PRUNE2: variants seen among roughly 807,000 people sequenced by gnomAD.
PRUNE2 encodes protein prune homolog 2.
PRUNE2 carries 164 observed loss-of-function variants against 252.0 expected under a neutral mutation model. The ratio of observed to expected loss-of-function variants is 0.65; its 90% confidence interval spans 0.57 to 0.74. The LOEUF (loss-of-function observed/expected upper bound fraction) is 0.74. Among genes scored for constraint, PRUNE2 ranks in the 30% least tolerant of loss-of-function variants. The pLI is 0.00. For synonymous variants in PRUNE2, 1,292 were observed against 1,350.2 expected, an observed-to-expected ratio of 0.96 and a Z score of 0.94; for missense variants, 3,495 against 3,711.0, an observed-to-expected ratio of 0.94 and a Z score of 1.51.
chr9:76,719,135 C>A (rs1252574217), intron 6 of PRUNE2, among the ~76,000 whole-genome samples: 1 of 152,064 alleles, frequency 6.6e-6, no homozygotes, highest in Non-Finnish European at 1.5e-5. Context: ...TTTTTTCCAC[C>A]CCTTCCCCAA....
intron 17 of PRUNE2, among the ~76,000 whole-genome samples, chr9:76,620,300 C>T (rs916474355): frequency 3.3e-5 from 5 of 151,884 alleles, no homozygotes; most frequent in Non-Finnish European, 7.4e-5. Flanking sequence ...CCACCATGCC[C>T]GGCTAATTTT....
At chr9:76,669,602 G>A (rs2133878285) in intron 9 of PRUNE2, among the ~76,000 whole-genome samples, 1 of 152,342 alleles carries the variant, frequency 6.6e-6, no homozygotes, top group East Asian at 1.9e-4. Flanking sequence ...TTACAGGCAT[G>A]AGCCGCCATG....
intron 4 of PRUNE2, among the ~76,000 whole-genome samples, chr9:76,833,524 G>A (rs1003041168): frequency 1.3e-5 from 2 of 152,140 alleles, no homozygotes; most frequent in African/African-American, 2.4e-5. Context: ...CCCGCACTTT[G>A]GGAGGCTGAG....
At chr9:76,646,401 G>A (rs148786820) in intron 11 of PRUNE2, among the ~76,000 whole-genome samples, 29 of 152,268 alleles carry the variant, frequency 1.9e-4, no homozygotes, top group Admixed American at 4.6e-4. Flanking sequence ...AATGAAGTTC[G>A]GTTGGGAAGC....
At chr9:76,838,955 G>C (rs752671747) in intron 4 of PRUNE2, among the ~76,000 whole-genome samples, 3 of 152,016 alleles carry the variant, frequency 2.0e-5, no homozygotes, top group Admixed American at 1.3e-4. Flanking sequence ...CCACAAGAGG[G>C]CTAAAATACA....
At chr9:76,862,786 T>G (rs2060625820) in intron 1 of PRUNE2, 2 of 152,240 alleles carry the variant, frequency 1.3e-5, no homozygotes, top group Admixed American at 6.5e-5. Flanking sequence ...TGTACTTCTA[T>G]GAGTGTTCTC....
chr9:76,879,047 G>C (rs1003347449), intron 1 of PRUNE2, among the ~76,000 whole-genome samples: 2 of 152,134 alleles, frequency 1.3e-5, no homozygotes, highest in Non-Finnish European at 2.9e-5. Context: ...GAGTCAGGAA[G>C]CCTGTGCATA....
chr9:76,629,206 T>C lies in PRUNE2; in HGVS notation c.9135A>G (p.Pro3045=). The C allele has an allele frequency of 6.3e-7, 1 of 1,599,428 alleles. No individual in the cohort carries two copies. The highest frequency in any genetic ancestry group is 1.1e-5 in the South Asian group (1 of 89,964). ...TCAGGACTTACTTGATGATGCTCTCTGGAATGTGGATGCAATCCATTGGGA... is the reference window on the plus strand; with the variant it reads ...TCAGGACTTACTTGATGATGCTCTCCGGAATGTGGATGCAATCCATTGGGA... ...GLIPMDCIHI[P]ESIIKLDEEL... The change falls in exon 16 of 19, where the codon CCA becomes CCG. Residue 3045 remains proline, a synonymous_variant. Transcript: ENST00000376718.
At chr9:76,773,126 G>T (rs2053297809) in intron 6 of PRUNE2, among the ~76,000 whole-genome samples, 1 of 152,144 alleles carries the variant, frequency 6.6e-6, no homozygotes, top group Non-Finnish European at 1.5e-5. Context: ...ATTACTTTAA[G>T]TTCATGCTTA....
chr9:76,797,559 T>C (rs1378918790), intron 6 of PRUNE2, among the ~76,000 whole-genome samples: 1 of 152,214 alleles, frequency 6.6e-6, no homozygotes, highest in African/African-American at 2.4e-5. Context: ...CACCAAGCCG[T>C]CTTTTTCCTT....
rs548273011 is a variant in PRUNE2 at position 76,709,958 on chromosome 9, A to G, written c.2316T>C (p.Gly772=). ...IEDFASLWHS[G]RSPTAMPEPW... is the part of the protein sequence containing the mutation. ...GCTCGGGCATGGCTGTGGGAGAGCG[A>G]CCAGAATGCCACAAAGAAGCAAAGT... The change falls in exon 8 of 19, where the codon GGT becomes GGC. Residue 772 remains glycine, a synonymous_variant. Transcript: ENST00000376718. 1 of 1,613,722 alleles carries G rather than the reference A, an allele frequency of 6.2e-7. No individual in the cohort carries two copies. Among genetic ancestry groups the G allele is most frequent in the Admixed American group, 1.7e-5 (1 of 59,996 alleles).
chr9:76,803,777 G>A (rs901825766), intron 6 of PRUNE2, among the ~76,000 whole-genome samples: 40 of 152,154 alleles, frequency 2.6e-4, no homozygotes, highest in African/African-American at 9.4e-4. Flanking sequence ...TGAGGTAAGA[G>A]GGGTAGAAAA....
In PRUNE2 at chr9:76,703,979, G is replaced by T. The variant is rs1347198284; in HGVS notation, c.7634C>A (p.Ala2545Glu). ...RCTEKNEDRH[A>E]LHMDYILVNR... ...TACAAGTATGTAATCCATGTGTAGTGCATGACGATCTTCATTCTTCTCTGT... is the reference window on the plus strand; with the variant it reads ...TACAAGTATGTAATCCATGTGTAGTTCATGACGATCTTCATTCTTCTCTGT... Residue 2545 changes from alanine (A) to glutamate (E), a missense_variant, in exon 9 of 19, where the codon GCA (alanine) becomes GAA (glutamate). By Grantham distance (107) the Ala-to-Glu change is moderately radical (BLOSUM62 -1). Transcript: ENST00000376718. 2.5e-5 allele frequency: 40 copies of T among 1,613,664 alleles called. No individual in the cohort carries two copies. Among genetic ancestry groups the T allele is most frequent in the Non-Finnish European group, 3.4e-5 (40 of 1,179,764 alleles).
chr9:76,792,153 G>A lies in PRUNE2; in HGVS notation c.756+31479C>T, dbSNP rs115495178. 4.3e-4 allele frequency among the ~76,000 whole-genome samples: 65 copies of A among 151,848 alleles called. 2 individuals carry two copies. In the Middle Eastern group the frequency reaches 0.01, roughly 24 times the overall value. On this transcript the variant is annotated intron_variant, in intron 6 of 18. Transcript: ENST00000376718. ...GCTGCTATATTTCCCATGTGTGGTGGGAGGGGCCTGGTGGGAGGTAATTGA... is the reference window on the plus strand; with the variant it reads ...GCTGCTATATTTCCCATGTGTGGTGAGAGGGGCCTGGTGGGAGGTAATTGA...
intron 6 of PRUNE2, among the ~76,000 whole-genome samples, chr9:76,752,808 C>A (rs531629411): frequency 1.3e-5 from 2 of 152,056 alleles, no homozygotes; most frequent in Non-Finnish European, 2.9e-5. Flanking sequence ...AATATTTGAT[C>A]CAGCAGTTGG....
At chr9:76,816,428 C>T (rs1186201323) in intron 6 of PRUNE2, among the ~76,000 whole-genome samples, 5 of 152,026 alleles carry the variant, frequency 3.3e-5, no homozygotes, top group East Asian at 1.9e-4. Flanking sequence ...TCAATAGGAA[C>T]GAAAGTCCAC....
chr9:76,767,672 A>C (rs775512001), intron 6 of PRUNE2, among the ~76,000 whole-genome samples: 2 of 152,058 alleles, frequency 1.3e-5, no homozygotes, highest in African/African-American at 4.8e-5. Context: ...GGCACCTTAA[A>C]GCCTCATCTC....
At chr9:76,904,489 A>T (rs1346942686) in intron 1 of PRUNE2, among the ~76,000 whole-genome samples, 1 of 152,216 alleles carries the variant, frequency 6.6e-6, no homozygotes, top group Non-Finnish European at 1.5e-5. Context: ...TACCATTTTC[A>T]TACACACACA....
At chr9:76,846,766 A>G (rs2059690866) in intron 3 of PRUNE2, 88 bp from the exon 4 acceptor site, 2 of 1,211,170 alleles carry the variant, frequency 1.7e-6, no homozygotes, top group Non-Finnish European at 1.2e-6. Context: ...TCTCACACAA[A>G]TGGCTTCCTC....
Sources: gnomAD v4.1 joint callset for allele counts (sites outside exome capture counted in the v4.1 genomes callset) on GRCh38, gnomAD v4.1.1 for gene constraint, MANE v1.5 for transcripts, NCBI Gene and HGNC (gene_info 2026-07-23, HGNC 2026-07-21) for gene names.